Variants in EXOC6 observed in about 807,000 individuals in gnomAD.
The protein encoded by EXOC6 is exocyst complex component 6.
Under a neutral mutation model 112.5 loss-of-function variants are expected in EXOC6, and 60 were observed. The observed-to-expected ratio is 0.53, with a 90% CI of 0.43 to 0.66. The LOEUF is 0.66. Ranked by LOEUF, EXOC6 falls within the 30% of genes least tolerant of loss-of-function variation. The pLI is 0.00. For synonymous variants in EXOC6, 295 were observed against 308.0 expected (o/e 0.96, Z 0.44); for missense variants, 855 against 957.1 (o/e 0.89, Z 1.41).
intron 20 of EXOC6, among the ~76,000 whole-genome samples, chr10:93,044,358 TTTAA>T (rs1845913587): frequency 6.6e-6 from 1 of 152,232 alleles, no homozygotes; most frequent in Non-Finnish European, 1.5e-5. Flanking sequence ...GCACATCTTT[TTTAA>T]TTGTTTGAGT....
intron 13 of EXOC6, among the ~76,000 whole-genome samples, 156 bp downstream of exon 13, chr10:92,940,980 C>G (rs955783116): frequency 6.6e-6 from 1 of 152,078 alleles, no homozygotes. Context: ...GTGTGTAGTT[C>G]AGTGGTGTAC....
chr10:92,858,928 C>CT, intron 1 of EXOC6, among the ~76,000 whole-genome samples: 1 of 152,232 alleles, frequency 6.6e-6, no homozygotes, highest in East Asian at 1.9e-4. Context: ...CCACACCCGG[C>CT]TAATTTTTGT....
intron 5 of EXOC6, among the ~76,000 whole-genome samples, chr10:92,905,495 A>G (rs1424240799): frequency 6.6e-6 from 1 of 151,918 alleles, no homozygotes; most frequent in Non-Finnish European, 1.5e-5. Flanking sequence ...TTTTTTGTTG[A>G]AGGTTTTTAT....
At chr10:92,945,873 A>C (rs891386451) in intron 13 of EXOC6, among the ~76,000 whole-genome samples, 6 of 152,198 alleles carry the variant, frequency 3.9e-5, no homozygotes, top group African/African-American at 1.4e-4. Flanking sequence ...CTCTATGTAG[A>C]ATGAAATAGA....
Position 92,974,054 on chromosome 10 carries a change from A to T in EXOC6, c.1775A>T (p.Asp592Val), listed in dbSNP as rs1842402290. The T allele has an allele frequency of 6.3e-7, 1 of 1,584,970 alleles. No individual in the cohort carries two copies. Among genetic ancestry groups the T allele is most frequent in the Admixed American group, 2.0e-5 (1 of 51,088 alleles). The change falls in exon 18 of 22, where the codon GAT (aspartate) becomes GTT (valine). Residue 592 changes from aspartate to valine, a missense_variant and splice_region_variant. Around this residue, in one of 2 missense-constraint regions of EXOC6, gnomAD observed 450 missense variants for 563.5 expected, o/e 0.80. Coordinates refer to ENST00000260762, the MANE Select transcript of EXOC6 (RefSeq NM_019053.6). ...TGTTGTTATTTTGTCCCATGTCAGG[A>T]TGCTCGACATGCAGCAGAAGGAGAA... ...TRLYGLSTFK[D>V]ARHAAEGEIY...
At chr10:93,015,944 A>G (rs1395479884) in intron 20 of EXOC6, among the ~76,000 whole-genome samples, 1 of 152,230 alleles carries the variant, frequency 6.6e-6, no homozygotes, top group Non-Finnish European at 1.5e-5. Context: ...AGATCTGTAG[A>G]TGATTAACCT....
chr10:93,008,705 C>A (rs1417658509), intron 19 of EXOC6, among the ~76,000 whole-genome samples: 1 of 152,260 alleles, frequency 6.6e-6, no homozygotes, highest in East Asian at 1.9e-4. Flanking sequence ...ACTATTTATT[C>A]ATTCAACACA....
chr10:93,041,970 C>G (rs1564933231), intron 20 of EXOC6, among the ~76,000 whole-genome samples: 2 of 152,206 alleles, frequency 1.3e-5, no homozygotes, highest in Non-Finnish European at 2.9e-5. Context: ...CTCAGCCTGT[C>G]AAAGTGCTGG....
At chr10:92,917,176 A>G (rs1358001230) in intron 7 of EXOC6, among the ~76,000 whole-genome samples, 1 of 152,072 alleles carries the variant, frequency 6.6e-6, no homozygotes, top group Non-Finnish European at 1.5e-5. Flanking sequence ...CATGCTGGCC[A>G]GGCTGGTCTT....
At chr10:92,909,222 A>G (rs980389465) in intron 5 of EXOC6, among the ~76,000 whole-genome samples, 1 of 152,214 alleles carries the variant, frequency 6.6e-6, no homozygotes, top group Non-Finnish European at 1.5e-5. Flanking sequence ...ACATTAATGT[A>G]TGCCATCAAC....
At chr10:93,000,138 G>A (rs891585281) in intron 19 of EXOC6, among the ~76,000 whole-genome samples, 1 of 152,208 alleles carries the variant, frequency 6.6e-6, no homozygotes, top group Non-Finnish European at 1.5e-5. Context: ...TCCCCCATGG[G>A]TAAGAGGGGA....
intron 18 of EXOC6, among the ~76,000 whole-genome samples, chr10:92,977,065 C>A (rs1188597716): frequency 6.6e-6 from 1 of 151,524 alleles, no homozygotes; most frequent in Non-Finnish European, 1.5e-5. Flanking sequence ...TATAGCTGAA[C>A]AGAAGAATAA....
upstream of EXOC6, chr10:92,848,452 C>CCCGA: frequency 1.8e-6 from 2 of 1,107,992 alleles, no homozygotes; most frequent in Non-Finnish European, 2.3e-6. Flanking sequence ...CCGCCCCGCC[C>CCCGA]CTTCGCGCTC....
chr10:92,955,764 C>T (rs758364013), intron 17 of EXOC6, 50 bp downstream of exon 17: 147 of 1,534,174 alleles, frequency 9.6e-5, no homozygotes, highest in Middle Eastern at 3.5e-4. Context: ...TGTAAGCAGA[C>T]GTTAAGAAAT....
intron 17 of EXOC6, among the ~76,000 whole-genome samples, chr10:92,960,513 T>C (rs1319897213): frequency 6.6e-6 from 1 of 151,050 alleles, no homozygotes; most frequent in African/African-American, 2.4e-5. Context: ...ATTTGTGGGG[T>C]ATGTAGTAAA....
chr10:92,921,427 T>C (rs775356835), intron 8 of EXOC6, among the ~76,000 whole-genome samples: 53 of 151,650 alleles, frequency 3.5e-4, no homozygotes, highest in Non-Finnish European at 5.9e-4. Flanking sequence ...TGTATTTTTT[T>C]AGTAGAAATG....
Position 93,042,316 on chromosome 10 carries a change from A to G in EXOC6, c.2170-14608A>G, listed in dbSNP as rs1845818397. On this transcript the variant is annotated intron_variant, in intron 20 of 21. Transcript: ENST00000260762. Reference sequence around the variant, plus strand: ...TGCTTAGGTCTACTTCCCACCCCCTAAGCAATAATTGATGCTCTGATAATA... The same window carrying G: ...TGCTTAGGTCTACTTCCCACCCCCTGAGCAATAATTGATGCTCTGATAATA... Among the ~76,000 whole-genome samples the G allele has an allele frequency of 2.6e-5, 4 of 152,276 alleles. No homozygotes were observed. In the South Asian group the frequency reaches 8.3e-4, roughly 32 times the overall value.
rs181934729 is a variant in EXOC6 at position 93,057,765 on chromosome 10, A to C, written c.2283-458A>C. On this transcript the variant is annotated intron_variant, in intron 21 of 21. Transcript: ENST00000260762. Reference sequence around the variant, plus strand: ...AATATTTGTGGTGTATTTGATTTGAAAGGACAAGAGGAAGTGTTTAAAATA... The same window carrying C: ...AATATTTGTGGTGTATTTGATTTGACAGGACAAGAGGAAGTGTTTAAAATA... 6.7e-3 allele frequency among the ~76,000 whole-genome samples: 1,021 copies of C among 152,272 alleles called. 18 individuals carry two copies. Among genetic ancestry groups the C allele is most frequent in the African/African-American group, 0.023 (969 of 41,554 alleles).
upstream of EXOC6, among the ~76,000 whole-genome samples, chr10:92,847,661 T>C (rs999698682): frequency 2.6e-5 from 4 of 152,138 alleles, no homozygotes; most frequent in Non-Finnish European, 4.4e-5. Flanking sequence ...AACATGTCAT[T>C]AAGCACGACT....
Sources: gnomAD v4.1 joint callset for allele counts (sites outside exome capture counted in the v4.1 genomes callset) on GRCh38, gnomAD v4.1.1 for gene constraint, gnomAD v4.1.1 regional missense constraint, MANE v1.5 for transcripts, NCBI Gene and HGNC (gene_info 2026-07-23, HGNC 2026-07-21) for gene names.